Variants in IGSF5 observed in about 807,000 individuals in gnomAD.
IGSF5 encodes the protein immunoglobulin superfamily 5 like.
In IGSF5, 41 loss-of-function variants were observed where a neutral mutation model predicts 39.4. That is an observed-to-expected ratio of 1.04 (90% CI 0.81 to 1.35). IGSF5 has a LOEUF of 1.35. Among genes scored for constraint, IGSF5 ranks in the 40% most tolerant of loss-of-function variants. IGSF5 has a pLI of 0.00. For synonymous variants in IGSF5, 183 were observed against 175.3 expected, an observed-to-expected ratio of 1.04 and a Z score of -0.34; for missense variants, 487 against 494.6, an observed-to-expected ratio of 0.98 and a Z score of 0.15.
At chr21:39,716,577 T>C in the IGSF5 span, among the ~76,000 whole-genome samples, 6 of 152,206 alleles carry the variant, frequency 3.9e-5, no homozygotes, top group Non-Finnish European at 5.9e-5. Context: ...TAGCTCCCGC[T>C]TGTAAGTGAG....
intron 8 of IGSF5, among the ~76,000 whole-genome samples, chr21:39,799,504 T>G (rs1272849302): frequency 6.8e-6 from 1 of 146,500 alleles, no homozygotes; most frequent in Non-Finnish European, 1.5e-5. Flanking sequence ...TTTGAGGAAT[T>G]TTTTTTTTTT....
chr21:39,720,056 G>A, the IGSF5 span, among the ~76,000 whole-genome samples: 2 of 152,128 alleles, frequency 1.3e-5, no homozygotes, highest in African/African-American at 4.8e-5. Flanking sequence ...TAGATCAGCA[G>A]TCCCCAACCT....
intron 8 of IGSF5, among the ~76,000 whole-genome samples, chr21:39,800,613 T>A (rs16998576): frequency 0.087 from 13,192 of 152,330 alleles, 608 homozygotes; most frequent in South Asian, 0.16. Flanking sequence ...ACATTGTGAA[T>A]AATTTATCAT....
the IGSF5 span, among the ~76,000 whole-genome samples, chr21:39,736,683 G>A: frequency 1.3e-5 from 2 of 152,250 alleles, no homozygotes; most frequent in African/African-American, 4.8e-5. Flanking sequence ...TGGGGACCCT[G>A]TACTTGCTAT....
chr21:39,776,051 A>G (rs2080138547), intron 4 of IGSF5, among the ~76,000 whole-genome samples: 2 of 152,224 alleles, frequency 1.3e-5, no homozygotes, highest in African/African-American at 4.8e-5. Flanking sequence ...CATCATTCCA[A>G]GAGTCTGTGT....
At chr21:39,717,515 G>T in the IGSF5 span, among the ~76,000 whole-genome samples, 1 of 152,168 alleles carries the variant, frequency 6.6e-6, no homozygotes, top group Non-Finnish European at 1.5e-5. Flanking sequence ...GCTGATTTGT[G>T]TATATGGTGT....
At chr21:39,755,586 CAAA>C (rs11331220) in intron 2 of IGSF5, among the ~76,000 whole-genome samples, 7 of 134,016 alleles carry the variant, frequency 5.2e-5, no homozygotes, top group Non-Finnish European at 4.9e-5. Flanking sequence ...GACTCCATCT[CAAA>C]AAAAAAAAAA....
the IGSF5 span, among the ~76,000 whole-genome samples, chr21:39,717,228 G>A: frequency 6.6e-6 from 1 of 152,124 alleles, no homozygotes; most frequent in Non-Finnish European, 1.5e-5. Flanking sequence ...GTTCCTTACA[G>A]ATGCTGGATA....
At chr21:39,757,981 G>A (rs8133863) in intron 2 of IGSF5, among the ~76,000 whole-genome samples, 6,365 of 152,232 alleles carry the variant, frequency 0.042, 437 homozygotes, top group African/African-American at 0.14. Flanking sequence ...TGGAGGTGGC[G>A]GTGGGCACAG....
intron 4 of IGSF5, among the ~76,000 whole-genome samples, chr21:39,778,314 G>A (rs112704737): frequency 1.2e-3 from 187 of 152,216 alleles, no homozygotes; most frequent in African/African-American, 4.0e-3. Context: ...ATTTGAATTT[G>A]GATGATCATG....
At chr21:39,775,181 G>A (rs978915340) in intron 4 of IGSF5, among the ~76,000 whole-genome samples, 9 of 152,090 alleles carry the variant, frequency 5.9e-5, no homozygotes, top group African/African-American at 1.9e-4. Context: ...CCTCCAGCCC[G>A]ATCAAGTGCT....
rs780790760 is a variant in IGSF5 at position 39,779,073 on chromosome 21, AT to A, written c.719-10del. 1.9e-6 allele frequency: 3 copies of A among 1,610,288 alleles called. No homozygotes were observed. The highest frequency in any genetic ancestry group is 2.5e-6 in the Non-Finnish European group (3 of 1,177,302). On this transcript the variant is annotated splice_polypyrimidine_tract_variant and intron_variant, in intron 4 of 8. Coordinates refer to ENST00000380588, the MANE Select transcript of IGSF5 (RefSeq NM_001080444.2). ...GGCAGTGCAAGTATCACTAAAATAT[AT>A]TTTTTTCTTCTTTAGACACTGGAGG...
At chr21:39,800,258 T>G (rs759706112) in intron 8 of IGSF5, among the ~76,000 whole-genome samples, 1 of 152,236 alleles carries the variant, frequency 6.6e-6, no homozygotes, top group Non-Finnish European at 1.5e-5. Context: ...TGCATTTTCC[T>G]GGCTGTTTTA....
intron 5 of IGSF5, among the ~76,000 whole-genome samples, chr21:39,779,994 G>A (rs1199303236): frequency 6.6e-6 from 1 of 152,134 alleles, no homozygotes; most frequent in Non-Finnish European, 1.5e-5. Context: ...CATGATGACT[G>A]TAATTAATTA....
intron 3 of IGSF5, among the ~76,000 whole-genome samples, chr21:39,769,319 G>A (rs1440632931): frequency 1.3e-5 from 2 of 151,850 alleles, no homozygotes; most frequent in African/African-American, 4.8e-5. Context: ...CTTAAAAAAA[G>A]TGCTGGGCGC....
At chr21:39,718,999 G>C in the IGSF5 span, among the ~76,000 whole-genome samples, 546 of 152,186 alleles carry the variant, frequency 3.6e-3, 4 homozygotes, top group African/African-American at 0.012. Flanking sequence ...TGATTAGCAG[G>C]CTATTTATTA....
intron 2 of IGSF5, among the ~76,000 whole-genome samples, chr21:39,756,830 G>A (rs1453369161): frequency 2.0e-5 from 3 of 152,080 alleles, no homozygotes; most frequent in Admixed American, 1.3e-4. Context: ...AAAATGCAAG[G>A]GTGGAGGGTG....
At chr21:39,735,216 G>A in the IGSF5 span, among the ~76,000 whole-genome samples, 1 of 152,146 alleles carries the variant, frequency 6.6e-6, no homozygotes, top group Admixed American at 6.5e-5. Context: ...TGGTAACAGT[G>A]CTTGTGTCTG....
At chr21:39,770,057 A>AT (rs2080106340) in intron 3 of IGSF5, among the ~76,000 whole-genome samples, 1 of 394 alleles carries the variant, frequency 2.5e-3, no homozygotes, top group South Asian at 0.25. Flanking sequence ...TTGGGAACAA[A>AT]TTTTTTCATT....
Sources: gnomAD v4.1 joint callset for allele counts (sites outside exome capture counted in the v4.1 genomes callset) on GRCh38, gnomAD v4.1.1 for gene constraint, MANE v1.5 for transcripts, NCBI Gene and HGNC (gene_info 2026-07-23, HGNC 2026-07-21) for gene names.